The following GPC5 variants were observed in gnomAD, a reference collection of about 807,000 sequenced individuals.
GPC5 encodes the protein glypican-5.
Under a neutral mutation model 53.9 loss-of-function variants are expected in GPC5, and 47 were observed. That is an observed-to-expected ratio of 0.87 (90% CI 0.69 to 1.11). The LOEUF (loss-of-function observed/expected upper bound fraction) is 1.11, where lower values mean the gene tolerates loss of function less well. GPC5 is among the 50% of genes most tolerant of loss of function. GPC5 has a pLI of 0.00. For missense variants in GPC5, 748 were observed against 713.1 expected (o/e 1.05, Z -0.56); for synonymous variants, 286 against 263.3 (o/e 1.09, Z -0.84).
chr13:92,616,618 C>G (rs151037203), intron 7 of GPC5, among the ~76,000 whole-genome samples: 1 of 152,312 alleles, frequency 6.6e-6, no homozygotes, highest in African/African-American at 2.4e-5. Flanking sequence ...CTACCACAAT[C>G]TGGATACATC....
intron 6 of GPC5, among the ~76,000 whole-genome samples, chr13:92,105,872 G>C (rs141077240): frequency 6.6e-6 from 1 of 151,650 alleles, no homozygotes; most frequent in South Asian, 2.1e-4. Flanking sequence ...AATCTTTTTC[G>C]GGCTCTCAAT....
rs192023818 is a variant in GPC5, at chr13:92,348,330, C to T, written c.1561+203341C>T. Among the ~76,000 whole-genome samples, 183 of 151,368 alleles carry T rather than the reference C, an allele frequency of 1.2e-3. 1 individual carries two copies. Among genetic ancestry groups the T allele is most frequent in the African/African-American group, 3.9e-3 (162 of 41,260 alleles). On this transcript the variant is annotated intron_variant, in intron 7 of 7. Coordinates refer to ENST00000377067, the MANE Select transcript of GPC5 (RefSeq NM_004466.6). Reference sequence around the variant, plus strand: ...AAAGCTCAAAAACTGAAATAGGAGACGCATAAGAACATCATATGATAATAA... The same window carrying T: ...AAAGCTCAAAAACTGAAATAGGAGATGCATAAGAACATCATATGATAATAA...
intron 7 of GPC5, among the ~76,000 whole-genome samples, chr13:92,324,206 A>T (rs1421180098): frequency 2.0e-5 from 3 of 152,016 alleles, no homozygotes; most frequent in Non-Finnish European, 4.4e-5. Flanking sequence ...CATATATAGG[A>T]TATAGTAACA....
intron 7 of GPC5, among the ~76,000 whole-genome samples, chr13:92,261,860 CAT>C (rs2042769618): frequency 2.0e-5 from 3 of 152,044 alleles, no homozygotes; most frequent in Non-Finnish European, 1.5e-5. Context: ...TTGCATAAAA[CAT>C]AGGATAAAAT....
chr13:91,954,423 G>T (rs2040054965), intron 6 of GPC5, among the ~76,000 whole-genome samples: 1 of 152,034 alleles, frequency 6.6e-6, no homozygotes, highest in Non-Finnish European at 1.5e-5. Context: ...TGCAAGCTTG[G>T]TTTGATATTC....
intron 7 of GPC5, among the ~76,000 whole-genome samples, chr13:92,752,342 C>G (rs1007589316): frequency 6.6e-6 from 1 of 152,108 alleles, no homozygotes; most frequent in Non-Finnish European, 1.5e-5. Context: ...TCTTCAGAAC[C>G]AATGCTTTAG....
At chr13:92,342,933 C>T (rs1410298782) in intron 7 of GPC5, among the ~76,000 whole-genome samples, 1 of 152,088 alleles carries the variant, frequency 6.6e-6, no homozygotes, top group Admixed American at 6.6e-5. Flanking sequence ...TCTCCATGCA[C>T]TTCCCTTTCA....
At chr13:92,393,112 C>T (rs978541486) in intron 7 of GPC5, among the ~76,000 whole-genome samples, 2 of 152,132 alleles carry the variant, frequency 1.3e-5, no homozygotes, top group Non-Finnish European at 2.9e-5. Flanking sequence ...ATGTTCACTA[C>T]AGGACTATTC....
intron 7 of GPC5, among the ~76,000 whole-genome samples, chr13:92,445,980 G>C (rs1025365221): frequency 6.6e-6 from 1 of 151,798 alleles, no homozygotes; most frequent in African/African-American, 2.4e-5. Context: ...TACATAGTAG[G>C]TATATATGTT....
At chr13:92,317,300 C>T (rs977517746) in intron 7 of GPC5, among the ~76,000 whole-genome samples, 2 of 151,892 alleles carry the variant, frequency 1.3e-5, no homozygotes, top group African/African-American at 4.8e-5. Context: ...TGTCATCAGT[C>T]TGGAATGCTT....
At chr13:92,707,800 C>A (rs936838534) in intron 7 of GPC5, among the ~76,000 whole-genome samples, 1 of 152,050 alleles carries the variant, frequency 6.6e-6, no homozygotes, top group African/African-American at 2.4e-5. Flanking sequence ...GAGGCAAGAT[C>A]TCATATAAGT....
chr13:91,568,349 C>G (rs1157473128), intron 2 of GPC5, among the ~76,000 whole-genome samples: 1 of 152,038 alleles, frequency 6.6e-6, no homozygotes, highest in East Asian at 1.9e-4. Flanking sequence ...GCTAACTTCC[C>G]TAAGGTATTC....
At chr13:91,681,361 T>C (rs2035504913) in intron 2 of GPC5, among the ~76,000 whole-genome samples, 1 of 152,194 alleles carries the variant, frequency 6.6e-6, no homozygotes. Context: ...CTCTGAATGT[T>C]GACAAGAAGC....
chr13:91,999,093 G>A (rs541663336), intron 6 of GPC5, among the ~76,000 whole-genome samples: 1 of 151,820 alleles, frequency 6.6e-6, no homozygotes, highest in Admixed American at 6.6e-5. Flanking sequence ...TGTATCTCTG[G>A]CTATGGTTTG....
At chr13:91,579,251 C>G (rs1026229487) in intron 2 of GPC5, among the ~76,000 whole-genome samples, 2 of 152,194 alleles carry the variant, frequency 1.3e-5, no homozygotes, top group African/African-American at 4.8e-5. Context: ...CTGGATGCCC[C>G]TTTGGCCCGG....
At chr13:92,388,621 C>T (rs182028280) in intron 7 of GPC5, among the ~76,000 whole-genome samples, 8 of 152,122 alleles carry the variant, frequency 5.3e-5, no homozygotes, top group South Asian at 2.1e-4. Context: ...GGAGTATATC[C>T]GTAAGATGAT....
intron 7 of GPC5, among the ~76,000 whole-genome samples, chr13:92,392,331 G>C (rs1324530317): frequency 6.6e-6 from 1 of 152,062 alleles, no homozygotes. Context: ...AATGGTGTTG[G>C]GAGAACTGGC....
At chr13:91,716,805 T>C (rs934198607) in intron 3 of GPC5, among the ~76,000 whole-genome samples, 3 of 152,238 alleles carry the variant, frequency 2.0e-5, no homozygotes, top group Admixed American at 1.3e-4. Flanking sequence ...ATATTATATT[T>C]GAGTACTCTA....
At chr13:92,554,115 A>C (rs1353367007) in intron 7 of GPC5, among the ~76,000 whole-genome samples, 1 of 152,018 alleles carries the variant, frequency 6.6e-6, no homozygotes, top group East Asian at 1.9e-4. Context: ...TAAGGGGCAG[A>C]GTAAGAGGAA....
Sources: gnomAD v4.1 joint callset for allele counts (sites outside exome capture counted in the v4.1 genomes callset) on GRCh38, gnomAD v4.1.1 for gene constraint, MANE v1.5 for transcripts, NCBI Gene and HGNC (gene_info 2026-07-23, HGNC 2026-07-21) for gene names.